USH2A: variants seen among roughly 807,000 people sequenced by gnomAD.
USH2A encodes Usher syndrome 2A (autosomal recessive, mild).
Under a neutral mutation model 538.9 loss-of-function variants are expected in USH2A, and 443 were observed. The observed-to-expected ratio is 0.82, with a 90% CI of 0.76 to 0.89. The LOEUF (loss-of-function observed/expected upper bound fraction) is 0.89. Among genes scored for constraint, USH2A ranks in the 40% least tolerant of loss-of-function variants. USH2A has a pLI of 0.00. For synonymous variants in USH2A, 2,413 were observed against 2,273.5 expected, an observed-to-expected ratio of 1.06 and a Z score of -1.75; for missense variants, 6,633 against 6,324.8, an observed-to-expected ratio of 1.05 and a Z score of -1.65.
intron 47 of USH2A, among the ~76,000 whole-genome samples, chr1:215,821,581 T>C (rs1663015797): frequency 6.6e-6 from 1 of 151,868 alleles, no homozygotes; most frequent in Admixed American, 6.6e-5. Flanking sequence ...CTTTGTTGAT[T>C]GTTTCCTTTG....
At chr1:216,390,784 C>G (rs2039094084) in intron 3 of USH2A, among the ~76,000 whole-genome samples, 1 of 152,124 alleles carries the variant, frequency 6.6e-6, no homozygotes, top group Non-Finnish European at 1.5e-5. Flanking sequence ...TAAGCATGCT[C>G]CCACCACTTG....
rs1660301042 is a variant in USH2A, at chr1:215,741,471, G to T, written c.11615C>A (p.Ser3872Tyr). The change falls in exon 60 of 72, where the codon TCT (serine) becomes TAT (tyrosine). Residue 3872 changes from serine to tyrosine, a missense_variant. Transcript: ENST00000307340. ...TPEAAPMDLN[S>Y]PVLKALGSAC... ...TGACCCCAGTGCCTTAAGAACAGGAGAATTAAGATCCATTGGGGCTGCTTC... is the reference window on the plus strand; with the variant it reads ...TGACCCCAGTGCCTTAAGAACAGGATAATTAAGATCCATTGGGGCTGCTTC... 6.2e-7 allele frequency: 1 copy of T among 1,613,620 alleles called. No individual in the cohort carries two copies. Among genetic ancestry groups the T allele is most frequent in the Non-Finnish European group, 8.5e-7 (1 of 1,179,918 alleles).
At chr1:215,827,795 G>C (rs1663196972) in intron 47 of USH2A, among the ~76,000 whole-genome samples, 1 of 152,208 alleles carries the variant, frequency 6.6e-6, no homozygotes, top group Non-Finnish European at 1.5e-5. Context: ...GTGAAAACAA[G>C]TGATTTGACA....
chr1:215,741,227 C>T (rs1444349454), intron 60 of USH2A, 148 bp downstream of exon 60: 11 of 1,007,142 alleles, frequency 1.1e-5, no homozygotes, highest in Admixed American at 2.4e-5. Flanking sequence ...TACAAACAAA[C>T]AAACAAACAT....
chr1:216,043,981 CT>C (rs1157186084), intron 32 of USH2A, among the ~76,000 whole-genome samples: 1 of 151,268 alleles, frequency 6.6e-6, no homozygotes, highest in East Asian at 1.9e-4. Flanking sequence ...TTGCTATCTT[CT>C]TGTTTTTATT....
intron 45 of USH2A, 104 bp downstream of exon 45, chr1:215,845,720 A>C: frequency 6.4e-6 from 8 of 1,247,024 alleles, no homozygotes; most frequent in South Asian, 1.3e-5. Flanking sequence ...TCCCTCCCAC[A>C]CCGGAAATTT....
At chr1:216,149,254 C>T (rs978784110) in intron 21 of USH2A, among the ~76,000 whole-genome samples, 8 of 152,124 alleles carry the variant, frequency 5.3e-5, no homozygotes, top group African/African-American at 9.7e-5. Context: ...CCTTTCCTAC[C>T]GGGTCTGAGA....
At chr1:216,385,977 C>T (rs2791292) in intron 3 of USH2A, among the ~76,000 whole-genome samples, 89,449 of 151,930 alleles carry the variant, frequency 0.59, 27,442 homozygotes, top group East Asian at 0.84. Flanking sequence ...GAAATCACAA[C>T]TTTCAGCAGC....
chr1:216,255,560 CTAATT>C (rs991032451), intron 11 of USH2A, among the ~76,000 whole-genome samples: 1 of 151,934 alleles, frequency 6.6e-6, no homozygotes, highest in Non-Finnish European at 1.5e-5. Context: ...TTATTGATTT[CTAATT>C]TAATTTAACT....
intron 32 of USH2A, among the ~76,000 whole-genome samples, chr1:216,032,224 T>G (rs779178644): frequency 4.6e-5 from 7 of 152,158 alleles, no homozygotes; most frequent in Admixed American, 2.6e-4. Flanking sequence ...TGTTTTGCAT[T>G]AAGAATATTT....
At chr1:216,295,037 A>G (rs1035614606) in intron 9 of USH2A, among the ~76,000 whole-genome samples, 1 of 151,748 alleles carries the variant, frequency 6.6e-6, no homozygotes, top group Non-Finnish European at 1.5e-5. Flanking sequence ...CATAATAGTT[A>G]ATTTATATGG....
chr1:215,647,266 C>T (rs912720482), intron 67 of USH2A, among the ~76,000 whole-genome samples: 2 of 152,120 alleles, frequency 1.3e-5, no homozygotes, highest in African/African-American at 2.4e-5. Context: ...TCCCATTGAT[C>T]GTTTAACTTC....
At chr1:216,291,618 T>A (rs2037003705) in intron 10 of USH2A, among the ~76,000 whole-genome samples, 1 of 152,238 alleles carries the variant, frequency 6.6e-6, no homozygotes, top group African/African-American at 2.4e-5. Flanking sequence ...ATGTTGGCCA[T>A]TTCTTGCCTT....
chr1:215,937,072 G>A (rs1234455562), intron 37 of USH2A, among the ~76,000 whole-genome samples: 2 of 151,908 alleles, frequency 1.3e-5, no homozygotes, highest in East Asian at 1.9e-4. Flanking sequence ...AGCCCTAATG[G>A]CATAATATAA....
At chr1:216,240,013 C>CAAAAAAAAAAAAAAAAAAAAAAAAAA (rs55691066) in intron 13 of USH2A, among the ~76,000 whole-genome samples, 2 of 112,282 alleles carry the variant, frequency 1.8e-5, no homozygotes, top group African/African-American at 3.3e-5. Flanking sequence ...ATGAAATAAA[C>CAAAAAAAAAAAAAAAAAAAAAAAAAA]AAAAAAAAAA....
chr1:216,130,147 G>A (rs2033340512), intron 21 of USH2A, among the ~76,000 whole-genome samples: 2 of 152,022 alleles, frequency 1.3e-5, no homozygotes, highest in African/African-American at 2.4e-5. Context: ...CATTGGTTTG[G>A]GCAAAAATTT....
intron 3 of USH2A, among the ~76,000 whole-genome samples, chr1:216,388,603 A>G (rs938483448): frequency 9.2e-5 from 14 of 152,240 alleles, no homozygotes; most frequent in Non-Finnish European, 1.8e-4. Context: ...TTTTAACATA[A>G]AAGCAGCTTT....
intron 4 of USH2A, among the ~76,000 whole-genome samples, chr1:216,330,948 T>C (rs1418560207): frequency 6.6e-6 from 1 of 152,076 alleles, no homozygotes; most frequent in East Asian, 1.9e-4. Context: ...GAAGCTCTGC[T>C]GCAGGGGGAT....
chr1:216,020,118 T>C (rs987922995), intron 32 of USH2A, among the ~76,000 whole-genome samples: 1 of 152,222 alleles, frequency 6.6e-6, no homozygotes, highest in African/African-American at 2.4e-5. Context: ...AAGACACTTA[T>C]AAGTGTTCAC....
Sources: allele counts gnomAD v4.1 joint callset (sites outside exome capture counted in the v4.1 genomes callset), GRCh38; gene constraint gnomAD v4.1.1; transcripts MANE v1.5; gene names NCBI Gene and HGNC (gene_info 2026-07-23, HGNC 2026-07-21).